The following PFKFB3 variants were observed in gnomAD, a reference collection of about 807,000 sequenced individuals.
The protein encoded by PFKFB3 is 6-phosphofructo-2-kinase/fructose-2,6-biphosphatase 3.
Under a neutral mutation model 68.0 loss-of-function variants are expected in PFKFB3, and 33 were observed. That is an observed-to-expected ratio of 0.49 (90% CI 0.37 to 0.65). The LOEUF is 0.65. PFKFB3 is among the 30% of genes least tolerant of loss of function. The pLI is 0.00. For missense variants in PFKFB3, 586 were observed against 712.2 expected, an observed-to-expected ratio of 0.82 and a Z score of 2.02; for synonymous variants, 315 against 288.2, an observed-to-expected ratio of 1.09 and a Z score of -0.94.
At chr10:6,317,454 G>A in the PFKFB3 span, among the ~76,000 whole-genome samples, 1 of 152,126 alleles carries the variant, frequency 6.6e-6, no homozygotes, top group African/African-American at 2.4e-5. Context: ...AAGGGTGTAG[G>A]CAATTTTCAG....
chr10:6,254,312 G>A (rs1202010882), exon 15 of PFKFB3: 2 of 398,418 alleles, frequency 5.0e-6, no homozygotes, highest in East Asian at 3.6e-5. Flanking sequence ...CAAGCATCCC[G>A]GAGCCCAGAC....
At chr10:6,170,999 G>C (rs1842292819) in intron 1 of PFKFB3, among the ~76,000 whole-genome samples, 2 of 152,298 alleles carry the variant, frequency 1.3e-5, no homozygotes, top group South Asian at 4.1e-4. Flanking sequence ...GTGCAGGAAG[G>C]AAATATTACA....
intron 1 of PFKFB3, among the ~76,000 whole-genome samples, chr10:6,160,939 T>G (rs1307168097): frequency 2.0e-5 from 3 of 152,032 alleles, no homozygotes; most frequent in Non-Finnish European, 4.4e-5. Context: ...TTTAATTTAT[T>G]TTTTTATTTT....
chr10:6,317,170 C>T, the PFKFB3 span, among the ~76,000 whole-genome samples: 3 of 152,156 alleles, frequency 2.0e-5, no homozygotes, highest in Admixed American at 6.5e-5. Context: ...ACTTCATACT[C>T]CCATGGGGGA....
intron 1 of PFKFB3, among the ~76,000 whole-genome samples, chr10:6,190,468 G>T (rs1377861932): frequency 6.6e-6 from 1 of 151,996 alleles, no homozygotes; most frequent in Non-Finnish European, 1.5e-5. Context: ...TGTTTCTCTG[G>T]GTTTTAGTCT....
intron 1 of PFKFB3, among the ~76,000 whole-genome samples, chr10:6,194,877 CTT>C (rs113217222): frequency 4.9e-5 from 7 of 144,124 alleles, no homozygotes; most frequent in Admixed American, 7.0e-5. Context: ...TTTCTTTTTT[CTT>C]TTTTTTTTTT....
intron 13 of PFKFB3, chr10:6,224,627 C>G (rs776307890): frequency 2.7e-6 from 1 of 365,500 alleles, no homozygotes; most frequent in South Asian, 2.0e-5. Flanking sequence ...ACTACAGGTG[C>G]GCACCACCAT....
At position 6,188,895 on chromosome 10, in the gene PFKFB3, C is replaced by T. The variant is rs532464686; in HGVS notation, c.17-24728C>T. 1.2e-4 allele frequency among the ~76,000 whole-genome samples: 17 copies of T among 143,438 alleles called. No homozygotes were observed. The South Asian group carries it at 1.7e-3, about 15-fold the overall frequency. 94.1% of individuals were successfully genotyped at this position (143,438 alleles called of 152,430 possible). ...TGTCCCCCAGGCTGGAGTGCAGTGGCGCGATCTCGGCTCACTGCAAGCTCC... is the reference window on the plus strand; with the variant it reads ...TGTCCCCCAGGCTGGAGTGCAGTGGTGCGATCTCGGCTCACTGCAAGCTCC... On this transcript the variant is annotated intron_variant, in intron 1 of 14. Transcript: ENST00000379789.
At position 6,215,456 on chromosome 10, in the gene PFKFB3, GGTGTAA is replaced by G. The variant is rs2131948160; in HGVS notation, c.299+141_299+146del. On this transcript the variant is annotated intron_variant, in intron 3 of 14. Transcript: ENST00000379775. The surrounding 1 kb of genome is among the most constrained non-coding windows in gnomAD (Gnocchi z 4.3). The stretch of plus-strand genomic sequence containing the variant: ...AATAAGGCTGGGCTGCGGGGCTGCG[GGTGTAA>G]GGCTGGGCTGCGGGCTTGGGCTTGC... The G allele has an allele frequency of 7.2e-6, 5 of 696,620 alleles. No individual in the cohort carries two copies. The highest frequency in any genetic ancestry group is 2.1e-5 in the Admixed American group (1 of 46,988). The allele number at this position is 696,620 out of a possible 1,614,324, so 43.2% of individuals were successfully genotyped here.
chr10:6,277,606 G>A, the PFKFB3 span: 1 of 209,942 alleles, frequency 4.8e-6, no homozygotes, highest in Admixed American at 5.3e-5. Context: ...GTTTAAAAGT[G>A]TGTGGCATAT....
the PFKFB3 span, among the ~76,000 whole-genome samples, chr10:6,280,961 C>T: frequency 6.6e-6 from 1 of 150,916 alleles, no homozygotes; most frequent in Admixed American, 6.6e-5. Flanking sequence ...CCCTTCCCAC[C>T]CTTTCCCCCT....
At chr10:6,261,286 G>A in the PFKFB3 span, among the ~76,000 whole-genome samples, 2 of 152,162 alleles carry the variant, frequency 1.3e-5, no homozygotes, top group African/African-American at 4.8e-5. Flanking sequence ...TTCTTTTGTT[G>A]TTAAATGAGT....
chr10:6,297,618 G>C, the PFKFB3 span, among the ~76,000 whole-genome samples: 1 of 152,182 alleles, frequency 6.6e-6, no homozygotes, highest in Non-Finnish European at 1.5e-5. Context: ...GTCCCCATGA[G>C]GGGTACGTGG....
rs374833334 is a variant in PFKFB3 at position 6,155,328 on chromosome 10, G to A, written c.16+10315G>A. On this transcript the variant is annotated intron_variant, in intron 1 of 14. Transcript: ENST00000379789. Reference sequence around the variant, plus strand: ...TGCCATTCTCCTGCCTCAGCCTCCCGAGTAGCTGAGACCACAGGCGCCCAC... The same window carrying A: ...TGCCATTCTCCTGCCTCAGCCTCCCAAGTAGCTGAGACCACAGGCGCCCAC... Among the ~76,000 whole-genome samples the A allele has an allele frequency of 2.3e-4, 35 of 150,240 alleles. No individual in the cohort carries two copies. The East Asian group carries it at 4.8e-3, about 20-fold the overall frequency.
At chr10:6,203,677 G>T (rs1447644976) in intron 1 of PFKFB3, among the ~76,000 whole-genome samples, 2 of 151,910 alleles carry the variant, frequency 1.3e-5, no homozygotes, top group Non-Finnish European at 2.9e-5. Context: ...GCCGTCGCCG[G>T]AGCGCAGCCC....
chr10:6,194,397 T>C (rs1342671541), intron 1 of PFKFB3, among the ~76,000 whole-genome samples: 1 of 152,230 alleles, frequency 6.6e-6, no homozygotes, highest in African/African-American at 2.4e-5. Flanking sequence ...TTGAAAACTA[T>C]GTTTCCGCTG....
rs10737057 is a variant in PFKFB3 at position 6,228,764 on chromosome 10, G to A, written c.1515+2399G>A. ...ACCCCCCACACCCCAAAAGAGCTCC[G>A]AGTGGAGACCCTTGGGGATCCGTTT... On this transcript the variant is annotated intron_variant, in intron 14 of 14. Transcript: ENST00000379775. The surrounding 1 kb of genome is among the most constrained non-coding windows in gnomAD (Gnocchi z 4.5). Among the ~76,000 whole-genome samples the A allele has an allele frequency of 0.93, 142,295 of 152,214 alleles. 67,240 individuals are homozygous for A. The highest frequency in any genetic ancestry group is 1 in the East Asian group (5,172 of 5,172).
At chr10:6,191,604 C>T (rs1038355636) in intron 1 of PFKFB3, among the ~76,000 whole-genome samples, 2 of 152,200 alleles carry the variant, frequency 1.3e-5, no homozygotes, top group African/African-American at 2.4e-5. Context: ...AGGATCCTTA[C>T]GTCCAGGGCT....
At chr10:6,314,127 C>T in the PFKFB3 span, among the ~76,000 whole-genome samples, 18,067 of 152,244 alleles carry the variant, frequency 0.12, 1,181 homozygotes, top group East Asian at 0.19. Context: ...ATAGAGTATT[C>T]CCACTCCCCA....
Sources: allele counts gnomAD v4.1 joint callset (sites outside exome capture counted in the v4.1 genomes callset), GRCh38; gene constraint gnomAD v4.1.1; non-coding constraint Gnocchi (gnomAD v3.1); transcripts MANE v1.5; gene names NCBI Gene and HGNC (gene_info 2026-07-23, HGNC 2026-07-21).